Variants in ZNHIT6 observed in about 807,000 individuals in gnomAD.
ZNHIT6 encodes the protein box C/D snoRNA protein 1.
ZNHIT6 carries 45 observed loss-of-function variants against 57.2 expected under a neutral mutation model. The ratio of observed to expected loss-of-function variants is 0.79; its 90% CI spans 0.62 to 1.01. ZNHIT6 has a LOEUF of 1.01. Among genes scored for constraint, ZNHIT6 ranks in the 50% least tolerant of loss-of-function variants. The pLI is 0.00. For missense variants in ZNHIT6, 528 were observed against 567.3 expected (o/e 0.93, Z 0.70); for synonymous variants, 188 against 190.0 (o/e 0.99, Z 0.09).
intron 8 of ZNHIT6, among the ~76,000 whole-genome samples, chr1:85,668,363 C>G (rs1402146281): frequency 6.6e-6 from 1 of 152,018 alleles, no homozygotes; most frequent in Admixed American, 6.6e-5. Flanking sequence ...ACTTGGTATC[C>G]ATTAACAGAA....
chr1:85,687,308 A>AAAC (rs1662088738), intron 5 of ZNHIT6, among the ~76,000 whole-genome samples: 2 of 145,142 alleles, frequency 1.4e-5, no homozygotes, highest in African/African-American at 5.0e-5. Context: ...ACAAAAAAAA[A>AAAC]AAACAATTTA....
At chr1:85,682,414 C>A (rs1180297900) in intron 5 of ZNHIT6, among the ~76,000 whole-genome samples, 1 of 152,046 alleles carries the variant, frequency 6.6e-6, no homozygotes, top group Non-Finnish European at 1.5e-5. Context: ...TACCAACTTG[C>A]CATCTTATGG....
In ZNHIT6 at chr1:85,688,052, A is replaced by G. The variant is rs924305181; in HGVS notation, c.1020-7148T>C. ...GTGAGACTCCGTCTCAAAAAAAAAA[A>G]AAAAAGAAATGTCTACAGGTTATAA... On this transcript the variant is annotated intron_variant, in intron 5 of 9. Coordinates refer to ENST00000370574, the MANE Select transcript of ZNHIT6 (RefSeq NM_017953.4). 6.4e-4 allele frequency among the ~76,000 whole-genome samples: 98 copies of G among 152,266 alleles called. 1 individual carries two copies. Among genetic ancestry groups the G allele is most frequent in the African/African-American group, 2.3e-3 (97 of 41,576 alleles).
intron 9 of ZNHIT6, among the ~76,000 whole-genome samples, chr1:85,657,567 CA>C (rs898128585): frequency 6.6e-6 from 1 of 151,384 alleles, no homozygotes; most frequent in Admixed American, 6.6e-5. Context: ...TAAAAAAAGA[CA>C]AAAAAATACA....
intron 5 of ZNHIT6, among the ~76,000 whole-genome samples, chr1:85,693,141 G>T (rs1662264672): frequency 6.6e-6 from 1 of 152,124 alleles, no homozygotes; most frequent in Non-Finnish European, 1.5e-5. Flanking sequence ...TAAGAACTGA[G>T]GGCCAATATC....
rs1662554545 is a variant in ZNHIT6, at chr1:85,702,171, G to T, written c.1005C>A (p.Thr335=). 1 of 1,603,902 alleles carries T rather than the reference G, an allele frequency of 6.2e-7. No homozygotes were observed. Among genetic ancestry groups the T allele is most frequent in the Non-Finnish European group, 8.5e-7 (1 of 1,176,248 alleles). Residue 335 remains threonine, a synonymous_variant, in exon 5 of 10, where the codon ACC becomes ACA. Transcript: ENST00000370574. ...TAGAAACTTACTTCTTATCAAAAAA[G>T]GTTGAATTCTCCTTCCTCTTGGTGA... The part of the protein sequence containing the change: ...NGFTKRKENS[T]FFDKKKQQFC...
At chr1:85,701,607 C>G (rs1047970838) in intron 5 of ZNHIT6, among the ~76,000 whole-genome samples, 1 of 152,046 alleles carries the variant, frequency 6.6e-6, no homozygotes, top group African/African-American at 2.4e-5. Context: ...ATTTGGAAAC[C>G]CAGTGGAGAA....
chr1:85,685,138 A>C (rs1179833077), intron 5 of ZNHIT6, among the ~76,000 whole-genome samples: 1 of 152,190 alleles, frequency 6.6e-6, no homozygotes, highest in Non-Finnish European at 1.5e-5. Context: ...ATAAATAAAA[A>C]TTTGTAATTG....
At chr1:85,657,047 G>C (rs958841304) in intron 9 of ZNHIT6, among the ~76,000 whole-genome samples, 1 of 152,010 alleles carries the variant, frequency 6.6e-6, no homozygotes, top group Admixed American at 6.6e-5. Context: ...AATTCTTTTC[G>C]TTGAAAGTGC....
At position 85,681,447 on chromosome 1, in the gene ZNHIT6, T is replaced by G. The variant is rs572274567; in HGVS notation, c.1020-543A>C. Among the ~76,000 whole-genome samples the G allele has an allele frequency of 1.8e-4, 27 of 152,340 alleles. No individual in the cohort carries two copies. In the East Asian group the frequency reaches 5.0e-3, roughly 28 times the overall value. Reference sequence around the variant, plus strand: ...GCAATAACTCACTAAATGTCTGATTTTAGAAAAATGACTATATTTAATATA... The same window carrying G: ...GCAATAACTCACTAAATGTCTGATTGTAGAAAAATGACTATATTTAATATA... On this transcript the variant is annotated intron_variant, in intron 5 of 9. Transcript: ENST00000370574.
At chr1:85,656,437 CA>C (rs1217997643) in intron 9 of ZNHIT6, among the ~76,000 whole-genome samples, 1 of 152,140 alleles carries the variant, frequency 6.6e-6, no homozygotes, top group Non-Finnish European at 1.5e-5. Flanking sequence ...TGCTTCATTA[CA>C]GGAAGCCTTA....
At position 85,708,011 on chromosome 1, in the gene ZNHIT6, A is replaced by AC; in HGVS notation, c.273dup (p.Leu92ValfsTer13). ...TCCTGTTCTACCCACTGGCCAGCCA[A>AC]CCTGCCTTCTGTACCTGGCCAGTCT... On this transcript the variant is annotated frameshift_variant, in exon 1 of 10. Coordinates refer to ENST00000370574, the MANE Select transcript of ZNHIT6 (RefSeq NM_017953.4). LOFTEE classifies it high-confidence loss of function. 6.8e-6 allele frequency: 11 copies of AC among 1,613,974 alleles called. No individual in the cohort carries two copies. Among genetic ancestry groups the AC allele is most frequent in the Non-Finnish European group, 9.3e-6 (11 of 1,179,994 alleles).
intron 9 of ZNHIT6, among the ~76,000 whole-genome samples, chr1:85,655,543 G>C (rs1271996861): frequency 6.6e-6 from 1 of 152,184 alleles, no homozygotes; most frequent in Non-Finnish European, 1.5e-5. Context: ...AAGATTTTTA[G>C]CAGTATGGGA....
At chr1:85,701,840 C>A (rs1474623683) in intron 5 of ZNHIT6, among the ~76,000 whole-genome samples, 1 of 152,096 alleles carries the variant, frequency 6.6e-6, no homozygotes, top group Non-Finnish European at 1.5e-5. Flanking sequence ...TATCAAACTC[C>A]AACCCAGGCC....
In ZNHIT6 at chr1:85,683,687, A is replaced by C. The variant is rs72946661; in HGVS notation, c.1020-2783T>G. On this transcript the variant is annotated intron_variant, in intron 5 of 9. Coordinates refer to ENST00000370574, the MANE Select transcript of ZNHIT6 (RefSeq NM_017953.4). ...TTTTTTTATAATTATATATACAAAT[A>C]TATGTCCCACTTAAAAAAATATACA... 3.6e-3 allele frequency among the ~76,000 whole-genome samples: 554 copies of C among 152,292 alleles called. 5 individuals carry two copies. Among genetic ancestry groups the C allele is most frequent in the African/African-American group, 0.013 (520 of 41,552 alleles).
At chr1:85,688,689 A>G (rs1452683374) in intron 5 of ZNHIT6, among the ~76,000 whole-genome samples, 1 of 152,176 alleles carries the variant, frequency 6.6e-6, no homozygotes, top group Non-Finnish European at 1.5e-5. Flanking sequence ...GACTGGGCAG[A>G]TTACGTAGGC....
chr1:85,691,986 C>T (rs576911391), intron 5 of ZNHIT6, among the ~76,000 whole-genome samples: 6 of 152,238 alleles, frequency 3.9e-5, no homozygotes, highest in East Asian at 1.9e-4. Context: ...CTGGCCAACA[C>T]GGTGAAACCC....
At chr1:85,700,084 T>A (rs1662485885) in intron 5 of ZNHIT6, among the ~76,000 whole-genome samples, 1 of 152,192 alleles carries the variant, frequency 6.6e-6, no homozygotes, top group East Asian at 1.9e-4. Context: ...GAAAACATGA[T>A]TAGAAGGAAA....
chr1:85,706,515 A>C lies in ZNHIT6; in HGVS notation c.657-8T>G. 1 of 1,544,626 alleles carries C rather than the reference A, an allele frequency of 6.5e-7. No individual in the cohort carries two copies. Among genetic ancestry groups the C allele is most frequent in the Non-Finnish European group, 8.7e-7 (1 of 1,154,830 alleles). ...GTACCACAAGTCTCACACCTACAAA[A>C]GCCCACATGTAACATTAAATTATCA... On this transcript the variant is annotated splice_region_variant and splice_polypyrimidine_tract_variant and intron_variant, in intron 1 of 9. Coordinates refer to ENST00000370574, the MANE Select transcript of ZNHIT6 (RefSeq NM_017953.4).
Sources: gnomAD v4.1 joint callset for allele counts (sites outside exome capture counted in the v4.1 genomes callset) on GRCh38, gnomAD v4.1.1 for gene constraint, MANE v1.5 for transcripts, NCBI Gene and HGNC (gene_info 2026-07-23, HGNC 2026-07-21) for gene names.